Variants in WDR47 observed in about 807,000 individuals in gnomAD.
WDR47 encodes the protein WD repeat-containing protein 47.
Under a neutral mutation model 97.2 loss-of-function variants are expected in WDR47, and 32 were observed. The observed-to-expected ratio is 0.33, with a 90% CI of 0.25 to 0.44. The LOEUF (loss-of-function observed/expected upper bound fraction) is 0.44, where lower values mean the gene tolerates loss of function less well. Ranked by LOEUF, WDR47 falls within the 20% of genes least tolerant of loss-of-function variation. The probability of loss-of-function intolerance (pLI) is 1.00; values close to 1 mark genes in which losing one functional copy is unlikely to be tolerated. For missense variants in WDR47, 782 were observed against 1,102.3 expected (o/e 0.71, Z 4.11); for synonymous variants, 375 against 373.5 (o/e 1.00, Z -0.05).
At chr1:108,988,557 C>T (rs1659042079) in intron 9 of WDR47, among the ~76,000 whole-genome samples, 1 of 151,590 alleles carries the variant, frequency 6.6e-6, no homozygotes, top group African/African-American at 2.4e-5. Context: ...TGGCGCATGC[C>T]CGTAGTCACA....
chr1:109,034,930 G>C (rs552767420), intron 1 of WDR47, among the ~76,000 whole-genome samples: 44 of 152,116 alleles, frequency 2.9e-4, no homozygotes, highest in Non-Finnish European at 6.2e-4. Context: ...TAAAAGGAGA[G>C]AGGCATAATA....
intron 13 of WDR47, among the ~76,000 whole-genome samples, chr1:108,978,386 G>A (rs917956507): frequency 1.3e-5 from 2 of 152,002 alleles, no homozygotes; most frequent in African/African-American, 4.8e-5. Context: ...GGCTGAGGCA[G>A]GAGAATGGCG....
chr1:109,039,422 T>A (rs1391769722), intron 1 of WDR47, among the ~76,000 whole-genome samples: 3 of 152,068 alleles, frequency 2.0e-5, no homozygotes, highest in Admixed American at 2.0e-4. Flanking sequence ...CATGCCCAGT[T>A]AATTTTTATA....
rs984276865 is a variant in WDR47, at chr1:108,971,081, T to C, written c.*349A>G. On this transcript the variant is annotated 3_prime_UTR_variant, in exon 15 of 15. Coordinates refer to ENST00000369962, the MANE Select transcript of WDR47 (RefSeq NM_001142551.2). The stretch of plus-strand genomic sequence containing the variant: ...AAGTATAATTCCATTTCAATGTGCA[T>C]ATAAAACTGTTATTTAGGCAAAGAC... 15 of 186,826 alleles carry C rather than the reference T, an allele frequency of 8.0e-5. No individual in the cohort carries two copies. Among genetic ancestry groups the C allele is most frequent in the Non-Finnish European group, 1.7e-4 (15 of 90,226 alleles). 11.6% of individuals were successfully genotyped at this position (186,826 alleles called of 1,614,324 possible).
chr1:109,002,238 T>C lies in WDR47; in HGVS notation c.1419A>G (p.Glu473=), dbSNP rs1457681610. Reference sequence around the variant, plus strand: ...AGAAGACCAACCTATTAAGGAACTGTTCAGTAAGATTCTGCTGCTGATCAG... The same window carrying C: ...AGAAGACCAACCTATTAAGGAACTGCTCAGTAAGATTCTGCTGCTGATCAG... ...DGPDQQQNLT[E]QFLNRSIQKL... The change falls in exon 7 of 15, where the codon GAA becomes GAG. Residue 473 remains glutamate (E), a synonymous_variant. Transcript: ENST00000369962. The C allele has an allele frequency of 5.0e-6, 8 of 1,597,956 alleles. No homozygotes were observed. The highest frequency in any genetic ancestry group is 6.8e-6 in the Non-Finnish European group (8 of 1,176,380).
rs199535710 is a variant in WDR47 at position 109,004,697 on chromosome 1, T to C, written c.1149A>G (p.Ala383=). The C allele has an allele frequency of 3.7e-6, 6 of 1,609,890 alleles. No individual in the cohort carries two copies. Among genetic ancestry groups the C allele is most frequent in the Non-Finnish European group, 5.1e-6 (6 of 1,178,112 alleles). ...ESPERDTPVD[A]QRPIGSEILG... ...AGATTTCACTGCCGATAGGCCTCTG[T>C]GCATCAACAGGTGTATCACTTCTTC... The change falls in exon 6 of 15, where the codon GCA becomes GCG. Residue 383 remains alanine, a synonymous_variant. Transcript: ENST00000369962.
At chr1:109,030,612 C>CAGAAAAGGTAAAGAAA (rs1274932788) in intron 1 of WDR47, among the ~76,000 whole-genome samples, 3 of 142,044 alleles carry the variant, frequency 2.1e-5, no homozygotes, top group Non-Finnish European at 3.2e-5. Context: ...CTTTAATCTT[C>CAGAAAAGGTAAAGAAA]CAAGTATTAC....
chr1:109,004,710 G>A lies in WDR47; in HGVS notation c.1136C>T (p.Thr379Ile), dbSNP rs759592678. ...SIYEESPERD[T>I]PVDAQRPIGS... ...GATAGGCCTCTGTGCATCAACAGGT[G>A]TATCACTTCTTCCAGAAACGTGCAA... Residue 379 changes from threonine (T) to isoleucine (I), a missense_variant, in exon 6 of 15, where the codon ACA (threonine) becomes ATA (isoleucine). By Grantham distance (89) the Thr-to-Ile change is moderately conservative (BLOSUM62 -1). Around this residue, in one of 3 missense-constraint regions of WDR47, gnomAD observed 428 missense variants for 584.3 expected, o/e 0.73. Transcript: ENST00000369962. 8.8e-6 allele frequency: 14 copies of A among 1,592,780 alleles called. No individual in the cohort carries two copies. In the East Asian group the frequency reaches 2.9e-4, roughly 33 times the overall value.
At chr1:108,985,825 T>C (rs1044164302) in intron 10 of WDR47, among the ~76,000 whole-genome samples, 2 of 152,162 alleles carry the variant, frequency 1.3e-5, no homozygotes, top group African/African-American at 4.8e-5. Flanking sequence ...TTTGCCATTC[T>C]TTCTTAAGTA....
In WDR47 at chr1:108,974,772, A is replaced by C. The variant is rs1359407710; in HGVS notation, c.2399-18T>G. 1 of 1,580,290 alleles carries C rather than the reference A, an allele frequency of 6.3e-7. No homozygotes were observed. Among genetic ancestry groups the C allele is most frequent in the African/African-American group, 1.3e-5 (1 of 74,214 alleles). ...TGCACTGCCTGTAGTGGTAGGAATGAAAGTTTAAATACAGAAAATCAATAT... is the reference window on the plus strand; with the variant it reads ...TGCACTGCCTGTAGTGGTAGGAATGCAAGTTTAAATACAGAAAATCAATAT... On this transcript the variant is annotated intron_variant, in intron 13 of 14. Coordinates refer to ENST00000369962, the MANE Select transcript of WDR47 (RefSeq NM_001142551.2).
intron 1 of WDR47, chr1:109,030,030 C>T (rs1480313088): frequency 4.7e-6 from 2 of 422,882 alleles, no homozygotes; most frequent in Non-Finnish European, 8.3e-6. Context: ...AATTAAATGT[C>T]CCTTTCTGGC....
At chr1:109,013,063 C>T (rs1028921467) in intron 4 of WDR47, among the ~76,000 whole-genome samples, 4 of 152,000 alleles carry the variant, frequency 2.6e-5, no homozygotes, top group Non-Finnish European at 5.9e-5. Flanking sequence ...GCTCAGCCCT[C>T]GTGAATTAGA....
intron 2 of WDR47, among the ~76,000 whole-genome samples, chr1:109,019,856 C>T (rs1337467632): frequency 6.6e-6 from 1 of 152,150 alleles, no homozygotes; most frequent in African/African-American, 2.4e-5. Flanking sequence ...GGCAATTTCC[C>T]TATTTTTGAA....
At chr1:109,034,278 A>T (rs1233646878) in intron 1 of WDR47, among the ~76,000 whole-genome samples, 2 of 152,230 alleles carry the variant, frequency 1.3e-5, no homozygotes, top group African/African-American at 4.8e-5. Context: ...ACAAAAGTGA[A>T]ACTCCATCTC....
chr1:109,006,744 T>A (rs1482962751), intron 5 of WDR47, among the ~76,000 whole-genome samples: 1 of 152,164 alleles, frequency 6.6e-6, no homozygotes, highest in Non-Finnish European at 1.5e-5. Context: ...CCAGTGCCAG[T>A]CCATGCCTGA....
chr1:109,013,311 A>G (rs1661181267), intron 4 of WDR47, among the ~76,000 whole-genome samples: 1 of 152,106 alleles, frequency 6.6e-6, no homozygotes. Flanking sequence ...AAGACACTTT[A>G]CTTCAGTTAA....
At chr1:109,041,437 C>T (rs1663357191) in intron 1 of WDR47, 1 of 152,198 alleles carries the variant, frequency 6.6e-6, no homozygotes, top group African/African-American at 2.4e-5. Flanking sequence ...GAAAGGGACG[C>T]GAGCGCGCCC....
At chr1:109,029,698 A>C (rs576822656) in intron 1 of WDR47, among the ~76,000 whole-genome samples, 1 of 141,304 alleles carries the variant, frequency 7.1e-6, no homozygotes, top group South Asian at 2.3e-4. Context: ...TAAATAAATA[A>C]ATAAATAAAT....
intron 4 of WDR47, among the ~76,000 whole-genome samples, chr1:109,013,165 C>T (rs1661170460): frequency 6.6e-6 from 1 of 152,200 alleles, no homozygotes; most frequent in African/African-American, 2.4e-5. Flanking sequence ...AACCAGAGCA[C>T]AGGCCCTCAC....
Sources: gnomAD v4.1 joint callset for allele counts (sites outside exome capture counted in the v4.1 genomes callset) on GRCh38, gnomAD v4.1.1 for gene constraint, gnomAD v4.1.1 regional missense constraint, MANE v1.5 for transcripts, NCBI Gene and HGNC (gene_info 2026-07-23, HGNC 2026-07-21) for gene names.